Variants in AGBL4 observed in about 807,000 individuals in gnomAD.
AGBL4 encodes AGBL carboxypeptidase 4.
AGBL4 carries 58 observed loss-of-function variants against 66.4 expected under a neutral mutation model. That is an observed-to-expected ratio of 0.87 (90% CI 0.71 to 1.09). The LOEUF (loss-of-function observed/expected upper bound fraction) is 1.09, where lower values mean the gene tolerates loss of function less well. AGBL4 is among the 50% of genes least tolerant of loss of function. AGBL4 has a pLI of 0.00. For missense variants in AGBL4, 579 were observed against 631.0 expected (o/e 0.92, Z 0.88); for synonymous variants, 234 against 222.9 (o/e 1.05, Z -0.44).
chr1:49,472,579 C>T (rs1646766531), intron 3 of AGBL4, among the ~76,000 whole-genome samples: 1 of 152,046 alleles, frequency 6.6e-6, no homozygotes, highest in Admixed American at 6.6e-5. Flanking sequence ...AGCAATTCCA[C>T]TTCTCAGTAT....
chr1:49,984,876 A>C (rs1294113789), intron 1 of AGBL4, among the ~76,000 whole-genome samples: 1 of 152,232 alleles, frequency 6.6e-6, no homozygotes, highest in Non-Finnish European at 1.5e-5. Flanking sequence ...GCAGAAACAA[A>C]AGATTAAATG....
intron 3 of AGBL4, among the ~76,000 whole-genome samples, chr1:49,682,519 CT>C (rs1245584211): frequency 6.6e-6 from 1 of 152,212 alleles, no homozygotes; most frequent in African/African-American, 2.4e-5. Flanking sequence ...ACTTTTGATG[CT>C]TATTCAATGT....
intron 4 of AGBL4, among the ~76,000 whole-genome samples, chr1:49,237,806 T>C (rs1200964866): frequency 6.6e-6 from 1 of 152,084 alleles, no homozygotes; most frequent in Non-Finnish European, 1.5e-5. Flanking sequence ...TTTTTGTTGT[T>C]GTTTCTTCCT....
At chr1:48,766,467 T>G (rs2148676605) in intron 6 of AGBL4, among the ~76,000 whole-genome samples, 1 of 152,340 alleles carries the variant, frequency 6.6e-6, no homozygotes, top group Non-Finnish European at 1.5e-5. Flanking sequence ...ACTCCCACTT[T>G]CTTGCCAGAC....
intron 1 of AGBL4, among the ~76,000 whole-genome samples, chr1:49,895,258 G>C (rs1162873081): frequency 6.7e-6 from 1 of 148,434 alleles, no homozygotes; most frequent in East Asian, 1.9e-4. Context: ...AAATGCTAAA[G>C]GCAGTTCTTC....
chr1:48,878,558 T>C (rs1030665455), intron 5 of AGBL4, among the ~76,000 whole-genome samples: 1 of 152,164 alleles, frequency 6.6e-6, no homozygotes, highest in African/African-American at 2.4e-5. Context: ...CTGTCTTTCT[T>C]TATATATGAC....
intron 6 of AGBL4, among the ~76,000 whole-genome samples, chr1:48,817,206 G>C (rs1284446865): frequency 6.6e-6 from 1 of 152,048 alleles, no homozygotes; most frequent in Non-Finnish European, 1.5e-5. Context: ...GCTATTTCCT[G>C]CCCCTAAAGA....
At chr1:49,146,527 G>A (rs1646221471) in intron 4 of AGBL4, among the ~76,000 whole-genome samples, 1 of 152,204 alleles carries the variant, frequency 6.6e-6, no homozygotes. Context: ...GGAAATGAAT[G>A]AAAAAATGTT....
chr1:49,717,821 A>T (rs1029587075), intron 2 of AGBL4, among the ~76,000 whole-genome samples: 1 of 152,022 alleles, frequency 6.6e-6, no homozygotes, highest in Non-Finnish European at 1.5e-5. Flanking sequence ...TAACCTCAAA[A>T]GTTGTTAAGT....
chr1:49,260,985 G>A (rs1333619056), intron 3 of AGBL4, among the ~76,000 whole-genome samples: 1 of 151,066 alleles, frequency 6.6e-6, no homozygotes, highest in African/African-American at 2.4e-5. Context: ...TCATCCCTGC[G>A]ATGCAAGGCT....
chr1:49,768,035 C>A (rs1406125620), intron 2 of AGBL4, among the ~76,000 whole-genome samples: 2 of 150,822 alleles, frequency 1.3e-5, no homozygotes, highest in Non-Finnish European at 3.0e-5. Flanking sequence ...AACAAAAAAA[C>A]CCTGTCAACC....
chr1:49,659,536 T>C (rs1646225934), intron 3 of AGBL4, among the ~76,000 whole-genome samples: 1 of 151,670 alleles, frequency 6.6e-6, no homozygotes, highest in Non-Finnish European at 1.5e-5. Flanking sequence ...CCAACAAACA[T>C]CAAAAAATAC....
chr1:49,532,003 G>A (rs1263525098), intron 3 of AGBL4, among the ~76,000 whole-genome samples: 1 of 152,060 alleles, frequency 6.6e-6, no homozygotes, highest in African/African-American at 2.4e-5. Flanking sequence ...CTCTCACTAC[G>A]ACTGCTCAGG....
At chr1:49,643,933 CT>C (rs1306971142) in intron 3 of AGBL4, among the ~76,000 whole-genome samples, 3 of 151,566 alleles carry the variant, frequency 2.0e-5, no homozygotes, top group African/African-American at 7.2e-5. Flanking sequence ...ATATAAAAGA[CT>C]TTTTCCTTAT....
intron 3 of AGBL4, among the ~76,000 whole-genome samples, chr1:49,475,449 A>C (rs1646828330): frequency 6.6e-6 from 1 of 152,006 alleles, no homozygotes; most frequent in Non-Finnish European, 1.5e-5. Flanking sequence ...ATTTCATAGA[A>C]TGAGTCAGAG....
Position 49,084,730 on chromosome 1 carries a change from C to G in AGBL4, c.378-38930G>C, listed in dbSNP as rs116951574. Among the ~76,000 whole-genome samples the G allele has an allele frequency of 1.2e-3, 188 of 152,270 alleles. 4 individuals carry two copies. In the East Asian group the frequency reaches 0.031, roughly 26 times the overall value. ...TAACCTGGGATCTTCCTTTTGGCCT[C>G]TTCCCTCCTGCAGCATTCAGACTCT... On this transcript the variant is annotated intron_variant, in intron 4 of 13. Coordinates refer to ENST00000371839, the MANE Select transcript of AGBL4 (RefSeq NM_032785.4).
At chr1:49,692,023 T>C (rs1646897952) in intron 3 of AGBL4, among the ~76,000 whole-genome samples, 1 of 152,102 alleles carries the variant, frequency 6.6e-6, no homozygotes, top group Non-Finnish European at 1.5e-5. Context: ...ACTTAGTCAC[T>C]ATCATGAGAA....
intron 3 of AGBL4, among the ~76,000 whole-genome samples, chr1:49,320,183 G>A (rs905103786): frequency 7.2e-5 from 11 of 152,060 alleles, no homozygotes; most frequent in Admixed American, 1.3e-4. Flanking sequence ...CACCCACCTC[G>A]GCCTCCCAAA....
intron 5 of AGBL4, among the ~76,000 whole-genome samples, chr1:48,941,158 A>C (rs1255337560): frequency 6.6e-6 from 1 of 152,204 alleles, no homozygotes; most frequent in African/African-American, 2.4e-5. Context: ...GGTGGCTCCT[A>C]GTATAGTGAA....
Sources: allele counts gnomAD v4.1 joint callset (sites outside exome capture counted in the v4.1 genomes callset), GRCh38; gene constraint gnomAD v4.1.1; transcripts MANE v1.5; gene names NCBI Gene and HGNC (gene_info 2026-07-23, HGNC 2026-07-21).